The following CDYL variants were observed in gnomAD, a reference collection of about 807,000 sequenced individuals.
CDYL encodes the protein chromodomain Y-like protein.
Under a neutral mutation model 47.3 loss-of-function variants are expected in CDYL, and 8 were observed. The observed-to-expected ratio is 0.17, with a 90% CI of 0.10 to 0.31. The LOEUF (loss-of-function observed/expected upper bound fraction) is 0.31, where lower values mean the gene tolerates loss of function less well. Among genes scored for constraint, CDYL ranks in the 10% least tolerant of loss-of-function variants. The probability of loss-of-function intolerance (pLI) is 1.00; values close to 1 mark genes in which losing one functional copy is unlikely to be tolerated. For missense variants in CDYL, 471 were observed against 701.4 expected, an observed-to-expected ratio of 0.67 and a Z score of 3.71; for synonymous variants, 266 against 265.0, an observed-to-expected ratio of 1.00 and a Z score of -0.04.
chr6:4,866,114 A>G (rs1489492183), intron 1 of CDYL, among the ~76,000 whole-genome samples: 1 of 152,196 alleles, frequency 6.6e-6, no homozygotes, highest in Non-Finnish European at 1.5e-5. Flanking sequence ...CATTTTGGAA[A>G]TTTGAATTCA....
chr6:4,707,054 G>C (rs955908538), intron 1 of CDYL, among the ~76,000 whole-genome samples: 1 of 151,994 alleles, frequency 6.6e-6, no homozygotes, highest in Admixed American at 6.6e-5. Context: ...CTACAATAAG[G>C]GCCTCAATCA....
intron 3 of CDYL, among the ~76,000 whole-genome samples, chr6:4,758,968 CTTTT>C (rs753662724): frequency 1.5e-5 from 2 of 131,912 alleles, no homozygotes; most frequent in Non-Finnish European, 1.6e-5. Flanking sequence ...TTTTCTTTTT[CTTTT>C]TTTTTTTTTT....
chr6:4,751,413 A>G (rs1217788027), intron 3 of CDYL, among the ~76,000 whole-genome samples: 1 of 152,240 alleles, frequency 6.6e-6, no homozygotes, highest in Non-Finnish European at 1.5e-5. Context: ...GCATTGGTCT[A>G]TACAACCTTC....
intron 1 of CDYL, among the ~76,000 whole-genome samples, chr6:4,709,796 A>AT (rs1757116845): frequency 1.3e-5 from 2 of 152,156 alleles, no homozygotes; most frequent in Non-Finnish European, 2.9e-5. Flanking sequence ...TTAACCTCTG[A>AT]TTTTCCTTAG....
rs1307846971 is a variant in CDYL at position 4,954,493 on chromosome 6, C to T, written c.*437C>T. The T allele has an allele frequency of 6.5e-6, 1 of 152,788 alleles. No individual in the cohort carries two copies. The highest frequency in any genetic ancestry group is 2.4e-5 in the African/African-American group (1 of 41,452). The allele number at this position is 152,788 out of a possible 1,614,324, so 9.5% of individuals were successfully genotyped here. ...AAAGGGGTATTAGCCAGCCTCGCCT[C>T]CCTGCCCCACGTAGAGACACAGAGT... On this transcript the variant is annotated 3_prime_UTR_variant, in exon 7 of 7. Transcript: ENST00000397588.
At chr6:4,889,915 G>A in intron 1 of CDYL, 5 of 959,510 alleles carry the variant, frequency 5.2e-6, no homozygotes, top group South Asian at 4.8e-5. Flanking sequence ...TCCTGAGGAG[G>A]GAGGGACAGG....
chr6:4,913,767 C>G (rs1373629814), intron 2 of CDYL, among the ~76,000 whole-genome samples: 1 of 152,228 alleles, frequency 6.6e-6, no homozygotes, highest in Non-Finnish European at 1.5e-5. Context: ...TCTACTACTA[C>G]TTAACTCCAC....
Position 4,867,068 on chromosome 6 carries a change from A to G in CDYL, c.25-24645A>G, listed in dbSNP as rs1027524846. Among the ~76,000 whole-genome samples the G allele has an allele frequency of 5.3e-5, 8 of 152,226 alleles. No individual in the cohort carries two copies. In the East Asian group the frequency reaches 1.2e-3, roughly 22 times the overall value. The stretch of plus-strand genomic sequence containing the variant: ...GCATTAACAATTAGAATATTTTGCC[A>G]TTAGTGTTTCATCGATAATTTCTCA... On this transcript the variant is annotated intron_variant, in intron 1 of 6. Coordinates refer to ENST00000397588, the MANE Select transcript of CDYL (RefSeq NM_004824.4).
Position 4,832,629 on chromosome 6 carries a change from T to A in CDYL, c.24+55822T>A. On this transcript the variant is annotated intron_variant, in intron 1 of 6. Transcript: ENST00000397588. ...GAGGATTCCCTCTTTTTCTACTGAT[T>A]GGAATAGTTTCAGAAGGAATGGTAC... Among the ~76,000 whole-genome samples the A allele has an allele frequency of 1.3e-5, 2 of 151,422 alleles. 1 individual carries two copies. Among genetic ancestry groups the A allele is most frequent in the East Asian group, 3.9e-4 (2 of 5,172 alleles).
intron 2 of CDYL, among the ~76,000 whole-genome samples, chr6:4,721,518 G>A (rs1250699531): frequency 1.3e-5 from 2 of 152,194 alleles, no homozygotes; most frequent in South Asian, 2.1e-4. Context: ...CTAGTAGCTG[G>A]GATTACAGGT....
At chr6:4,874,354 A>G (rs1737092) in intron 1 of CDYL, among the ~76,000 whole-genome samples, 7,628 of 152,108 alleles carry the variant, frequency 0.05, 602 homozygotes, top group African/African-American at 0.17. Flanking sequence ...CACGTTATTC[A>G]GTGTTTCTGT....
chr6:4,782,493 T>C (rs1292542465), intron 1 of CDYL, among the ~76,000 whole-genome samples: 1 of 152,136 alleles, frequency 6.6e-6, no homozygotes, highest in Non-Finnish European at 1.5e-5. Flanking sequence ...GTTTCAACTC[T>C]AGAATGGAGA....
chr6:4,735,459 A>G (rs1757685948), intron 3 of CDYL, among the ~76,000 whole-genome samples: 1 of 152,146 alleles, frequency 6.6e-6, no homozygotes, highest in Non-Finnish European at 1.5e-5. Context: ...TATAATTGAC[A>G]TACAAAAAGC....
intron 1 of CDYL, among the ~76,000 whole-genome samples, chr6:4,834,988 G>A (rs1042808748): frequency 2.6e-5 from 4 of 151,784 alleles, no homozygotes; most frequent in African/African-American, 9.7e-5. Flanking sequence ...AATTTTTTTT[G>A]AAGTTTTTAA....
At chr6:4,786,447 T>A (rs569701895) in intron 1 of CDYL, among the ~76,000 whole-genome samples, 2 of 152,166 alleles carry the variant, frequency 1.3e-5, no homozygotes, top group Non-Finnish European at 2.9e-5. Context: ...TCCATAATGA[T>A]GCCGGGTAAA....
chr6:4,873,633 A>G (rs1238645889), intron 1 of CDYL, among the ~76,000 whole-genome samples: 2 of 152,198 alleles, frequency 1.3e-5, no homozygotes, highest in Non-Finnish European at 2.9e-5. Context: ...ATTAACTTAC[A>G]TTTAACACTG....
Position 4,954,185 on chromosome 6 carries a change from G to A in CDYL, c.*129G>A. 1.1e-6 allele frequency: 1 copy of A among 881,946 alleles called. No individual in the cohort carries two copies. The highest frequency in any genetic ancestry group is 1.7e-6 in the Non-Finnish European group (1 of 597,070). The allele number at this position is 881,946 out of a possible 1,614,324, so 54.6% of individuals were successfully genotyped here. On this transcript the variant is annotated 3_prime_UTR_variant, in exon 7 of 7. Coordinates refer to ENST00000397588, the MANE Select transcript of CDYL (RefSeq NM_004824.4). ...GTAGCTTACGCTTGGAAGCAGGACT[G>A]GGAACATCCACGCTATTTATTATCG...
rs977489421 is a variant in CDYL at position 4,827,812 on chromosome 6, G to A, written c.24+51005G>A. 2.6e-5 allele frequency among the ~76,000 whole-genome samples: 4 copies of A among 152,014 alleles called. No homozygotes were observed. The South Asian group carries it at 6.2e-4, about 24-fold the overall frequency. On this transcript the variant is annotated intron_variant, in intron 1 of 6. Coordinates refer to ENST00000397588, the MANE Select transcript of CDYL (RefSeq NM_004824.4). ...TGGGATTACAGGCATGTGCCACCAC[G>A]CCTAGCTAATTTTTGGATTTTAAGT...
At chr6:4,938,430 A>G (rs115777312) in intron 4 of CDYL, among the ~76,000 whole-genome samples, 1 of 152,300 alleles carries the variant, frequency 6.6e-6, no homozygotes, top group African/African-American at 2.4e-5. Flanking sequence ...TATAATTTTC[A>G]GTTTAATTTT....
Sources: gnomAD v4.1 joint callset for allele counts (sites outside exome capture counted in the v4.1 genomes callset) on GRCh38, gnomAD v4.1.1 for gene constraint, MANE v1.5 for transcripts, NCBI Gene and HGNC (gene_info 2026-07-23, HGNC 2026-07-21) for gene names.